The following PHTF1 variants were observed in gnomAD, a reference collection of about 807,000 sequenced individuals.
The protein encoded by PHTF1 is putative homeodomain transcription factor 1.
A neutral mutation model predicts 102.4 loss-of-function variants in PHTF1; 88 were observed. That is an observed-to-expected ratio of 0.86 (90% CI 0.72 to 1.03). The LOEUF is 1.03. Among genes scored for constraint, PHTF1 ranks in the 50% least tolerant of loss-of-function variants. The pLI, the probability that PHTF1 is intolerant of heterozygous loss-of-function variation, is 0.00. For missense variants in PHTF1, 814 were observed against 909.5 expected (o/e 0.89, Z 1.35); for synonymous variants, 289 against 305.2 (o/e 0.95, Z 0.55).
chr1:113,708,786 A>C (rs1650610118), intron 11 of PHTF1, among the ~76,000 whole-genome samples: 1 of 152,180 alleles, frequency 6.6e-6, no homozygotes, highest in African/African-American at 2.4e-5. Context: ...ACACTCAATT[A>C]TTCTTATATA....
intron 5 of PHTF1, 36 bp from the exon 6 acceptor site, chr1:113,726,610 A>C (rs1378563496): frequency 7.7e-7 from 1 of 1,291,206 alleles, no homozygotes; most frequent in East Asian, 2.5e-5. Context: ...AAAACATTAG[A>C]GCTCTTCTTT....
intron 7 of PHTF1, among the ~76,000 whole-genome samples, chr1:113,720,370 C>T (rs114054288): frequency 6.6e-6 from 1 of 152,256 alleles, no homozygotes; most frequent in African/African-American, 2.4e-5. Flanking sequence ...TCATTTTCAG[C>T]ATTAGACAGA....
chr1:113,728,783 C>T (rs2101488477), intron 5 of PHTF1, among the ~76,000 whole-genome samples: 1 of 152,296 alleles, frequency 6.6e-6, no homozygotes, highest in East Asian at 1.9e-4. Context: ...GTGGCAGGCA[C>T]CTGTAATCCC....
chr1:113,720,387 A>G (rs1162689728), intron 7 of PHTF1, among the ~76,000 whole-genome samples: 1 of 152,198 alleles, frequency 6.6e-6, no homozygotes, highest in Non-Finnish European at 1.5e-5. Context: ...CAGATCATCC[A>G]AATAGAAAAA....
chr1:113,720,595 C>T (rs1453513256), intron 7 of PHTF1, among the ~76,000 whole-genome samples: 3 of 152,284 alleles, frequency 2.0e-5, no homozygotes, highest in South Asian at 2.1e-4. Flanking sequence ...CAAGTATCAC[C>T]GGGAGGGTAC....
At chr1:113,698,648 C>A (rs1460783864) in intron 17 of PHTF1, among the ~76,000 whole-genome samples, 1 of 151,698 alleles carries the variant, frequency 6.6e-6, no homozygotes, top group Non-Finnish European at 1.5e-5. Context: ...CACACACACA[C>A]ACACACACAC....
chr1:113,699,997 T>C (rs1649269760), intron 16 of PHTF1, 198 bp from the exon 17 acceptor site: 1 of 883,010 alleles, frequency 1.1e-6, no homozygotes, highest in Admixed American at 4.1e-5. Context: ...AAAAACTATT[T>C]AGTGATGAAA....
rs758888221 is a variant in PHTF1 at position 113,738,717 on chromosome 1, T to C, written c.172+13A>G. ...ATATAATAATGTACATAAAAAACAATTTTAAGACTAACCTCTGATTAAGTC... is the reference window on the plus strand; with the variant it reads ...ATATAATAATGTACATAAAAAACAACTTTAAGACTAACCTCTGATTAAGTC... On this transcript the variant is annotated intron_variant, in intron 4 of 18. Coordinates refer to ENST00000369604, the MANE Select transcript of PHTF1 (RefSeq NM_001323043.2). 2.0e-6 allele frequency: 3 copies of C among 1,527,246 alleles called. No individual in the cohort carries two copies. In the South Asian group the frequency reaches 3.6e-5, roughly 18 times the overall value. The allele number at this position is 1,527,246 out of a possible 1,614,324, so 94.6% of individuals were successfully genotyped here.
At chr1:113,749,922 C>T (rs1230685) in intron 3 of PHTF1, among the ~76,000 whole-genome samples, 113,487 of 152,102 alleles carry the variant, frequency 0.75, 42,943 homozygotes, top group African/African-American at 0.83. Flanking sequence ...TTTTTCTTAT[C>T]TGTTGTACTT....
chr1:113,732,965 T>C (rs556814944), intron 5 of PHTF1, among the ~76,000 whole-genome samples: 115 of 152,018 alleles, frequency 7.6e-4, no homozygotes, highest in Non-Finnish European at 1.3e-3. Context: ...TGATGAATCA[T>C]TGCTCACTGT....
At chr1:113,718,013 T>C (rs1330525340) in intron 7 of PHTF1, among the ~76,000 whole-genome samples, 2 of 152,094 alleles carry the variant, frequency 1.3e-5, no homozygotes, top group Admixed American at 1.3e-4. Context: ...ATTTCAACAT[T>C]AACCCAAAAG....
intron 3 of PHTF1, among the ~76,000 whole-genome samples, chr1:113,755,433 T>TC (rs1385744483): frequency 6.6e-6 from 1 of 152,224 alleles, no homozygotes. Flanking sequence ...AATTTTTTTT[T>TC]CAGCTTTCTA....
chr1:113,754,873 C>G lies in PHTF1; in HGVS notation c.102+2826G>C, dbSNP rs117297877. On this transcript the variant is annotated intron_variant, in intron 3 of 18. Transcript: ENST00000369604. ...ATAGATTTATGGCCTATCACTCTAT[C>G]TATGTACCTTATTCTCCAATCATAT... Among the ~76,000 whole-genome samples, 116 of 152,238 alleles carry G rather than the reference C, an allele frequency of 7.6e-4. No individual in the cohort carries two copies. In the East Asian group the frequency reaches 0.017, roughly 23 times the overall value.
At chr1:113,726,210 T>G (rs1427849143) in intron 6 of PHTF1, among the ~76,000 whole-genome samples, 1 of 152,212 alleles carries the variant, frequency 6.6e-6, no homozygotes, top group East Asian at 1.9e-4. Context: ...CTGTACTGAA[T>G]GACAAAAATC....
intron 7 of PHTF1, among the ~76,000 whole-genome samples, chr1:113,722,392 T>C (rs913522603): frequency 1.3e-4 from 20 of 151,744 alleles, no homozygotes; most frequent in African/African-American, 4.8e-4. Context: ...TGAGCCGAGA[T>C]CATGCCACTG....
At chr1:113,753,222 G>A (rs1042305670) in intron 3 of PHTF1, among the ~76,000 whole-genome samples, 1 of 152,158 alleles carries the variant, frequency 6.6e-6, no homozygotes, top group Non-Finnish European at 1.5e-5. Flanking sequence ...ATGTTCTTAT[G>A]ATGTCTTTGT....
chr1:113,713,290 T>C lies in PHTF1; in HGVS notation c.772A>G (p.Lys258Glu), dbSNP rs1471756802. The change falls in exon 8 of 19, where the codon AAG (lysine) becomes GAG (glutamate). Residue 258 changes from lysine (K) to glutamate (E), a missense_variant. By Grantham distance (56) the Lys-to-Glu change is moderately conservative. Coordinates refer to ENST00000369604, the MANE Select transcript of PHTF1 (RefSeq NM_001323043.2). ...REKAKFSDGE[K>E]CRREAFRRLG... ...CATCTAAATCTTACCCTACGGCACTTTTCTCCATCTGAAAATTTTGCTTTC... is the reference window on the plus strand; with the variant it reads ...CATCTAAATCTTACCCTACGGCACTCTTCTCCATCTGAAAATTTTGCTTTC... 1.2e-6 allele frequency: 2 copies of C among 1,613,676 alleles called. No individual in the cohort carries two copies. The highest frequency in any genetic ancestry group is 1.7e-6 in the Non-Finnish European group (2 of 1,179,828).
At chr1:113,749,829 T>C (rs1255361866) in intron 3 of PHTF1, among the ~76,000 whole-genome samples, 1 of 152,212 alleles carries the variant, frequency 6.6e-6, no homozygotes, top group Non-Finnish European at 1.5e-5. Context: ...TCTTTCATTT[T>C]CCAACCTTCG....
intron 3 of PHTF1, among the ~76,000 whole-genome samples, chr1:113,747,434 A>G (rs922641147): frequency 5.9e-5 from 9 of 152,106 alleles, no homozygotes; most frequent in African/African-American, 2.2e-4. Context: ...CAAGAGTTCT[A>G]TATCAATTTT....
Sources: allele counts gnomAD v4.1 joint callset (sites outside exome capture counted in the v4.1 genomes callset), GRCh38; gene constraint gnomAD v4.1.1; transcripts MANE v1.5; gene names NCBI Gene and HGNC (gene_info 2026-07-23, HGNC 2026-07-21).